The following PACRG variants were observed in gnomAD, a reference collection of about 807,000 sequenced individuals.
PACRG encodes the protein parkin coregulated gene protein.
In PACRG, 29 loss-of-function variants were observed where a neutral mutation model predicts 29.7. The observed-to-expected ratio is 0.98, with a 90% CI of 0.73 to 1.33. The LOEUF (loss-of-function observed/expected upper bound fraction) is 1.33, where lower values mean the gene tolerates loss of function less well. Among genes scored for constraint, PACRG ranks in the 40% most tolerant of loss-of-function variants. The pLI, the probability that PACRG is intolerant of heterozygous loss-of-function variation, is 0.00. For missense variants in PACRG, 279 were observed against 316.2 expected (o/e 0.88, Z 0.89); for synonymous variants, 116 against 118.7 (o/e 0.98, Z 0.15).
intron 2 of PACRG, among the ~76,000 whole-genome samples, chr6:162,896,261 C>A (rs1795156741): frequency 6.6e-6 from 1 of 152,194 alleles, no homozygotes; most frequent in Admixed American, 6.5e-5. Flanking sequence ...CATTCTCCTG[C>A]TGTTTAGAGG....
rs116585373 is a variant in PACRG, at chr6:162,975,232, C to T, written c.292-86918C>T. ...CAAGCTGTGCAAGGGACCCAGCCAC[C>T]GTCATGTAAATTGCTACCATGATCT... On this transcript the variant is annotated intron_variant, in intron 2 of 4. Transcript: ENST00000366888. Among the ~76,000 whole-genome samples, 836 of 152,168 alleles carry T rather than the reference C, an allele frequency of 5.5e-3. 11 individuals are homozygous for T. Among genetic ancestry groups the T allele is most frequent in the African/African-American group, 0.019 (802 of 41,530 alleles).
At chr6:163,297,462 T>G (rs1784818306) in intron 4 of PACRG, among the ~76,000 whole-genome samples, 1 of 152,182 alleles carries the variant, frequency 6.6e-6, no homozygotes, top group Non-Finnish European at 1.5e-5. Flanking sequence ...TAGCTTCATC[T>G]GCCTCCAAGT....
At chr6:163,074,196 T>A (rs1562889544) in intron 3 of PACRG, among the ~76,000 whole-genome samples, 1 of 151,736 alleles carries the variant, frequency 6.6e-6, no homozygotes. Flanking sequence ...GATGAATGGA[T>A]AAAAAAAATA....
intron 2 of PACRG, among the ~76,000 whole-genome samples, chr6:162,995,621 C>T (rs1205848349): frequency 2.0e-5 from 3 of 152,252 alleles, no homozygotes; most frequent in Non-Finnish European, 4.4e-5. Flanking sequence ...CGTGCACCCA[C>T]TGGCCTGCGC....
chr6:162,949,467 C>T (rs368788290), intron 2 of PACRG, among the ~76,000 whole-genome samples: 88 of 152,092 alleles, frequency 5.8e-4, no homozygotes, highest in Middle Eastern at 3.4e-3. Context: ...TAGTTAATAA[C>T]GGTGTATTGT....
chr6:163,313,582 A>G (rs148424993), intron 4 of PACRG, among the ~76,000 whole-genome samples: 2 of 152,334 alleles, frequency 1.3e-5, no homozygotes, highest in East Asian at 3.9e-4. Flanking sequence ...TTTTCCCTCT[A>G]TTATTTTCAC....
chr6:163,251,265 AT>A (rs1171209075), intron 4 of PACRG, among the ~76,000 whole-genome samples: 1 of 152,024 alleles, frequency 6.6e-6, no homozygotes, highest in Admixed American at 6.6e-5. Flanking sequence ...GAAAAATAAA[AT>A]ATTAATAATA....
rs548145208 is a variant in PACRG, at chr6:163,315,171, G to A, written c.*184G>A. ...CAAGGCTTTCCAATACATAAATAGT[G>A]TCTGTTTCTTAGATTACAATAGTGT... is the stretch of plus-strand genomic sequence containing the variant. On this transcript the variant is annotated 3_prime_UTR_variant, in exon 5 of 5. Coordinates refer to ENST00000366888, the MANE Select transcript of PACRG (RefSeq NM_001080379.2). 11 of 633,304 alleles carry A rather than the reference G, an allele frequency of 1.7e-5. No homozygotes were observed. In the African/African-American group the frequency reaches 2.0e-4, roughly 12 times the overall value. The allele number at this position is 633,304 out of a possible 1,614,324, so 39.2% of individuals were successfully genotyped here.
intron 1 of PACRG, among the ~76,000 whole-genome samples, chr6:162,813,215 TA>T (rs1787035102): frequency 6.6e-6 from 1 of 151,954 alleles, no homozygotes; most frequent in African/African-American, 2.4e-5. Flanking sequence ...CTAAAAATAT[TA>T]GGTTATATTA....
chr6:162,778,348 A>G (rs935594961), intron 1 of PACRG, among the ~76,000 whole-genome samples: 1 of 152,194 alleles, frequency 6.6e-6, no homozygotes, highest in Non-Finnish European at 1.5e-5. Context: ...CTGTGGTTGT[A>G]TAAGTGCTAT....
chr6:163,129,194 GAA>G (rs1816634261), intron 4 of PACRG, among the ~76,000 whole-genome samples: 3 of 152,208 alleles, frequency 2.0e-5, no homozygotes, highest in Admixed American at 2.0e-4. Context: ...GGAAGTTGGG[GAA>G]GGGTCTGGAA....
At chr6:162,896,214 T>C (rs1192623181) in intron 2 of PACRG, among the ~76,000 whole-genome samples, 2 of 152,260 alleles carry the variant, frequency 1.3e-5, no homozygotes, top group Non-Finnish European at 2.9e-5. Context: ...AGTCCTTTGT[T>C]ACTGCTGCCT....
intron 4 of PACRG, among the ~76,000 whole-genome samples, chr6:163,201,936 G>T (rs1780718070): frequency 6.6e-6 from 1 of 152,244 alleles, no homozygotes; most frequent in Non-Finnish European, 1.5e-5. Context: ...AGATTTGGGG[G>T]AAGTTCAGAG....
At chr6:162,992,001 G>C (rs1383726085) in intron 2 of PACRG, among the ~76,000 whole-genome samples, 1 of 132,966 alleles carries the variant, frequency 7.5e-6, no homozygotes, top group East Asian at 2.1e-4. Context: ...AGATAATCAT[G>C]TGGTTTTTGT....
intron 4 of PACRG, among the ~76,000 whole-genome samples, chr6:163,269,798 AAGGAAGG>A (rs1562349216): frequency 1.7e-4 from 18 of 108,692 alleles, no homozygotes; most frequent in African/African-American, 5.6e-4. Context: ...GAAAGAAAGG[AAGGAAGG>A]AAGGAAGGAA....
intron 4 of PACRG, among the ~76,000 whole-genome samples, chr6:163,207,138 G>C (rs13197837): frequency 0.3 from 45,421 of 151,896 alleles, 6,907 homozygotes; most frequent in East Asian, 0.43. Flanking sequence ...TAAATGAAAT[G>C]ATTTCAGTCG....
intron 4 of PACRG, among the ~76,000 whole-genome samples, chr6:163,115,874 C>T (rs1445703197): frequency 6.6e-6 from 1 of 152,176 alleles, no homozygotes; most frequent in Non-Finnish European, 1.5e-5. Flanking sequence ...TACGTCATGG[C>T]CCTCCAGTGC....
At chr6:163,147,511 T>C (rs1777848234) in intron 4 of PACRG, among the ~76,000 whole-genome samples, 1 of 152,114 alleles carries the variant, frequency 6.6e-6, no homozygotes, top group South Asian at 2.1e-4. Flanking sequence ...CCTAACAAAT[T>C]CCAGTGATCA....
chr6:163,020,924 C>A (rs964594653), intron 2 of PACRG, among the ~76,000 whole-genome samples: 2 of 152,178 alleles, frequency 1.3e-5, no homozygotes, highest in Non-Finnish European at 1.5e-5. Context: ...AGCCTGGTTG[C>A]TGCCCCCACG....
Sources: gnomAD v4.1 joint callset for allele counts (sites outside exome capture counted in the v4.1 genomes callset) on GRCh38, gnomAD v4.1.1 for gene constraint, MANE v1.5 for transcripts, NCBI Gene and HGNC (gene_info 2026-07-23, HGNC 2026-07-21) for gene names.